BICD1: variants seen among roughly 807,000 people sequenced by gnomAD.
BICD1 encodes protein bicaudal D homolog 1.
BICD1 carries 35 observed loss-of-function variants against 92.5 expected under a neutral mutation model. The ratio of observed to expected loss-of-function variants is 0.38; its 90% CI spans 0.29 to 0.50. BICD1 has a LOEUF of 0.50. Ranked by LOEUF, BICD1 falls within the 20% of genes least tolerant of loss-of-function variation. BICD1 has a pLI of 0.93. For synonymous variants in BICD1, 429 were observed against 465.1 expected (o/e 0.92, Z 1.00); for missense variants, 950 against 1,189.8 (o/e 0.80, Z 2.97).
At chr12:32,329,879 T>A (rs1937764219) in intron 5 of BICD1, among the ~76,000 whole-genome samples, 2 of 152,238 alleles carry the variant, frequency 1.3e-5, no homozygotes, top group Admixed American at 1.3e-4. Context: ...TTATTTAGTT[T>A]ATCTGAAAAG....
At chr12:32,111,420 C>T (rs1382123577) in intron 1 of BICD1, among the ~76,000 whole-genome samples, 2 of 152,134 alleles carry the variant, frequency 1.3e-5, no homozygotes, top group Non-Finnish European at 2.9e-5. Context: ...GAATTGTTTT[C>T]CCTTCAGATG....
rs1381857237 is a variant in BICD1, at chr12:32,383,558, T to C, written c.*5931T>C. On this transcript the variant is annotated 3_prime_UTR_variant, in exon 10 of 10. Coordinates refer to ENST00000652176, the MANE Select transcript of BICD1 (RefSeq NM_001714.4). Reference sequence around the variant, plus strand: ...CAATATATCGATTCTTATATCTCGGTTTATGTTACCAACTGAATATGGTGT... The same window carrying C: ...CAATATATCGATTCTTATATCTCGGCTTATGTTACCAACTGAATATGGTGT... 6.6e-6 allele frequency: 1 copy of C among 152,184 alleles called. No individual in the cohort carries two copies. The highest frequency in any genetic ancestry group is 1.9e-4 in the East Asian group (1 of 5,200). The allele number at this position is 152,184 out of a possible 1,614,324, so 9.4% of individuals were successfully genotyped here.
intron 8 of BICD1, among the ~76,000 whole-genome samples, chr12:32,348,720 A>ACAC (rs1170971660): frequency 2.4e-4 from 16 of 66,818 alleles, no homozygotes; most frequent in Admixed American, 1.1e-3. Flanking sequence ...TAGCTCACAC[A>ACAC]AAAATATATA....
At chr12:32,354,501 G>C (rs1939023139) in intron 8 of BICD1, among the ~76,000 whole-genome samples, 1 of 152,304 alleles carries the variant, frequency 6.6e-6, no homozygotes, top group East Asian at 1.9e-4. Flanking sequence ...TCTATCAAGA[G>C]TATACGCTAT....
intron 1 of BICD1, among the ~76,000 whole-genome samples, chr12:32,190,146 CA>C (rs962354642): frequency 9.3e-5 from 14 of 150,620 alleles, no homozygotes; most frequent in Middle Eastern, 3.4e-3. Context: ...CATACCACTA[CA>C]AAAAAAAATT....
At chr12:32,175,107 T>C (rs781439173) in intron 1 of BICD1, among the ~76,000 whole-genome samples, 12 of 152,234 alleles carry the variant, frequency 7.9e-5, no homozygotes, top group Non-Finnish European at 1.5e-4. Context: ...ATTTATTAGT[T>C]GACCTTTTGG....
At chr12:32,342,200 G>T (rs1203951513) in intron 8 of BICD1, among the ~76,000 whole-genome samples, 1 of 97,782 alleles carries the variant, frequency 1.0e-5, no homozygotes. Context: ...ATATGTGTGT[G>T]TGTGTATATA....
intron 1 of BICD1, among the ~76,000 whole-genome samples, chr12:32,213,587 G>A (rs1945277261): frequency 6.6e-6 from 1 of 152,116 alleles, no homozygotes; most frequent in Non-Finnish European, 1.5e-5. Context: ...GTACAGACAG[G>A]GTTTTGCCAT....
intron 2 of BICD1, among the ~76,000 whole-genome samples, chr12:32,245,254 T>TTTG (rs1480956997): frequency 4.7e-5 from 6 of 127,002 alleles, no homozygotes; most frequent in Non-Finnish European, 7.5e-5. Context: ...TTTTTTGTTT[T>TTTG]TTTTTTTTTT....
chr12:32,211,236 T>A (rs956604313), intron 1 of BICD1, among the ~76,000 whole-genome samples: 1 of 152,194 alleles, frequency 6.6e-6, no homozygotes, highest in African/African-American at 2.4e-5. Flanking sequence ...TTAGTGTCCT[T>A]GGATAACCTC....
Position 32,338,966 on chromosome 12 carries a change from C to A in BICD1, c.2751C>A (p.Thr917=), listed in dbSNP as rs200827158. ...GGCTCAGCAAGGAAAAAAGGTTAAC[C>A]GTGGCTCCACCAGGTAAACATTTTT... ...GHRLSKEKRL[T]VAPPDCQQPA... The change falls in exon 8 of 10, where the codon ACC becomes ACA. Residue 917 remains threonine, a synonymous_variant. Transcript: ENST00000652176. 238 of 1,594,202 alleles carry A rather than the reference C, an allele frequency of 1.5e-4. No individual in the cohort carries two copies. Among genetic ancestry groups the A allele is most frequent in the Non-Finnish European group, 1.9e-4 (226 of 1,173,172 alleles).
chr12:32,331,444 C>T (rs985305688), intron 5 of BICD1, among the ~76,000 whole-genome samples: 4 of 152,000 alleles, frequency 2.6e-5, no homozygotes, highest in African/African-American at 9.7e-5. Flanking sequence ...GTTGAGTATC[C>T]CTTTTCCGAA....
In BICD1 at chr12:32,339,021, G is replaced by C. The variant is rs370800235; in HGVS notation, c.2764+42G>C. 1.9e-5 allele frequency: 29 copies of C among 1,544,832 alleles called. No homozygotes were observed. In the African/African-American group the frequency reaches 3.8e-4, roughly 20 times the overall value. On this transcript the variant is annotated intron_variant, in intron 8 of 9. Transcript: ENST00000652176. ...TGGGTGCATGTGATGCAAATGATTAGTTGAATAGACTCTCCCCTTCCTTCC... is the reference window on the plus strand; with the variant it reads ...TGGGTGCATGTGATGCAAATGATTACTTGAATAGACTCTCCCCTTCCTTCC...
At chr12:32,312,276 G>A (rs1948401479) in intron 4 of BICD1, among the ~76,000 whole-genome samples, 1 of 152,184 alleles carries the variant, frequency 6.6e-6, no homozygotes, top group Non-Finnish European at 1.5e-5. Flanking sequence ...GTAATAACAA[G>A]TATAAACATT....
intron 2 of BICD1, among the ~76,000 whole-genome samples, chr12:32,270,839 A>G (rs537794788): frequency 1.3e-5 from 2 of 152,302 alleles, no homozygotes; most frequent in African/African-American, 4.8e-5. Context: ...TGGCCTTTGT[A>G]TATCTTTGAA....
chr12:32,256,568 G>T (rs914399329), intron 2 of BICD1, among the ~76,000 whole-genome samples: 13 of 152,148 alleles, frequency 8.5e-5, no homozygotes, highest in Admixed American at 7.2e-4. Flanking sequence ...AAATGATAAA[G>T]AAAAGTTTTT....
chr12:32,116,438 C>CTCTGTCTGTCTGTCTGTCTG (rs1171456421), intron 1 of BICD1, among the ~76,000 whole-genome samples: 1 of 148,272 alleles, frequency 6.7e-6, no homozygotes, highest in African/African-American at 2.5e-5. Flanking sequence ...ATGTCTCTGT[C>CTCTGTCTGTCTGTCTGTCTG]TCTGTCTGTC....
intron 2 of BICD1, among the ~76,000 whole-genome samples, chr12:32,219,558 C>T (rs1014461893): frequency 2.6e-5 from 4 of 152,120 alleles, no homozygotes; most frequent in Middle Eastern, 6.8e-3. Flanking sequence ...ATATCATTGA[C>T]GATATGACTC....
intron 1 of BICD1, among the ~76,000 whole-genome samples, chr12:32,126,048 CAAAAAA>C (rs61406736): frequency 1.9e-5 from 1 of 51,442 alleles, no homozygotes; most frequent in African/African-American, 7.0e-5. Flanking sequence ...GACTCCATCT[CAAAAAA>C]AAAAAAAAAA....
Sources: allele counts gnomAD v4.1 joint callset (sites outside exome capture counted in the v4.1 genomes callset), GRCh38; gene constraint gnomAD v4.1.1; transcripts MANE v1.5; gene names NCBI Gene and HGNC (gene_info 2026-07-23, HGNC 2026-07-21).